The following TAFA2 variants were observed in gnomAD, a reference collection of about 807,000 sequenced individuals.
TAFA2 encodes the protein chemokine-like protein TAFA-2.
A neutral mutation model predicts 18.8 loss-of-function variants in TAFA2; 7 were observed. That is an observed-to-expected ratio of 0.37 (90% CI 0.21 to 0.70). TAFA2 has a LOEUF of 0.70. TAFA2 is among the 30% of genes least tolerant of loss of function. The pLI, the probability that TAFA2 is intolerant of heterozygous loss-of-function variation, is 0.53. For synonymous variants in TAFA2, 60 were observed against 54.2 expected, an observed-to-expected ratio of 1.11 and a Z score of -0.47; for missense variants, 122 against 158.1, an observed-to-expected ratio of 0.77 and a Z score of 1.23.
intron 1 of TAFA2, among the ~76,000 whole-genome samples, chr12:62,109,119 C>A (rs146822731): frequency 6.6e-6 from 1 of 152,022 alleles, no homozygotes; most frequent in Admixed American, 6.6e-5. Context: ...TTAGGTTTTA[C>A]GTTTAAGTCT....
intron 1 of TAFA2, among the ~76,000 whole-genome samples, chr12:61,960,559 G>A (rs1193113748): frequency 6.6e-6 from 1 of 151,982 alleles, no homozygotes; most frequent in Non-Finnish European, 1.5e-5. Flanking sequence ...AACAGACTAT[G>A]AGAAACTCAG....
At chr12:61,865,136 G>A (rs1874299672) in intron 2 of TAFA2, among the ~76,000 whole-genome samples, 1 of 152,016 alleles carries the variant, frequency 6.6e-6, no homozygotes, top group Non-Finnish European at 1.5e-5. Context: ...AAAATCTTTT[G>A]CTCCTTTGAA....
Position 62,125,740 on chromosome 12 carries a change from C to T in TAFA2, c.-2+65519G>A, listed in dbSNP as rs754764089. On this transcript the variant is annotated intron_variant, in intron 1 of 4. Coordinates refer to ENST00000416284, the MANE Select transcript of TAFA2 (RefSeq NM_178539.5). ...GTTGTTAAAACACAATCTTCAGCGT[C>T]GAACTGCCTGGGTTCAAATTCCATC... is the stretch of plus-strand genomic sequence containing the variant. 9.2e-5 allele frequency among the ~76,000 whole-genome samples: 14 copies of T among 152,144 alleles called. No homozygotes were observed. In the Middle Eastern group the frequency reaches 0.01, roughly 111 times the overall value.
chr12:62,079,601 T>A (rs1378788246), intron 1 of TAFA2, among the ~76,000 whole-genome samples: 2 of 151,454 alleles, frequency 1.3e-5, no homozygotes, highest in African/African-American at 4.9e-5. Flanking sequence ...GAAGTAGAGG[T>A]TGCAGTAAGC....
At chr12:62,259,048 C>A (rs1019155492), upstream of TAFA2, 2 of 157,748 alleles carry the variant, frequency 1.3e-5, no homozygotes, top group African/African-American at 4.8e-5. Context: ...ATACACAAAT[C>A]ATAATGCCAA....
At chr12:61,918,527 T>G (rs1238380235) in intron 1 of TAFA2, among the ~76,000 whole-genome samples, 2 of 152,180 alleles carry the variant, frequency 1.3e-5, no homozygotes, top group Admixed American at 1.3e-4. Context: ...CCATTGTGTA[T>G]GTGTACATTT....
chr12:61,769,811 A>G (rs1869949463), intron 2 of TAFA2, among the ~76,000 whole-genome samples: 1 of 152,136 alleles, frequency 6.6e-6, no homozygotes, highest in Non-Finnish European at 1.5e-5. Context: ...AACAGTTCTG[A>G]AAATATGACA....
intron 4 of TAFA2, among the ~76,000 whole-genome samples, chr12:61,716,131 G>C (rs984596987): frequency 6.6e-6 from 1 of 152,246 alleles, no homozygotes; most frequent in East Asian, 1.9e-4. Context: ...CCTAATGAGT[G>C]CTAAAGAAGT....
chr12:61,800,100 C>T (rs543662488), intron 2 of TAFA2, among the ~76,000 whole-genome samples: 3 of 152,162 alleles, frequency 2.0e-5, no homozygotes, highest in Non-Finnish European at 4.4e-5. Context: ...GTTGAAATGA[C>T]ACTTAAAAGA....
chr12:62,021,433 C>T (rs1032903069), intron 1 of TAFA2: 4 of 458,880 alleles, frequency 8.7e-6, no homozygotes, highest in Non-Finnish European at 1.6e-5. Flanking sequence ...CTCACCCCCT[C>T]CCACCCTTTC....
chr12:62,057,865 A>G (rs975452479), intron 1 of TAFA2, among the ~76,000 whole-genome samples: 2 of 152,168 alleles, frequency 1.3e-5, no homozygotes, highest in African/African-American at 2.4e-5. Context: ...AGCTGTAACC[A>G]CAGGTTTCTG....
chr12:61,896,761 T>G (rs1314855318), intron 1 of TAFA2, among the ~76,000 whole-genome samples: 1 of 152,188 alleles, frequency 6.6e-6, no homozygotes, highest in African/African-American at 2.4e-5. Flanking sequence ...CATGTCACAT[T>G]GTCAACCAAA....
chr12:61,871,075 A>G (rs1464107468), intron 1 of TAFA2, among the ~76,000 whole-genome samples: 1 of 152,160 alleles, frequency 6.6e-6, no homozygotes, highest in Non-Finnish European at 1.5e-5. Flanking sequence ...AGTGTGTGTC[A>G]TCTCTCTAGA....
chr12:61,794,599 T>C (rs2120937821), intron 2 of TAFA2, among the ~76,000 whole-genome samples: 1 of 152,160 alleles, frequency 6.6e-6, no homozygotes, highest in Non-Finnish European at 1.5e-5. Flanking sequence ...ACCGTGTATT[T>C]ATCTTTAGGT....
intron 1 of TAFA2, among the ~76,000 whole-genome samples, chr12:61,899,535 C>G (rs963234640): frequency 6.6e-6 from 1 of 152,040 alleles, no homozygotes; most frequent in Non-Finnish European, 1.5e-5. Context: ...CTATCAAATA[C>G]TTATAAAACC....
At chr12:62,024,446 G>A (rs1881250134) in intron 1 of TAFA2, among the ~76,000 whole-genome samples, 1 of 152,048 alleles carries the variant, frequency 6.6e-6, no homozygotes, top group African/African-American at 2.4e-5. Flanking sequence ...GTTTTGCTTT[G>A]CAGCTAGACA....
At chr12:62,065,046 T>C (rs535723142) in intron 1 of TAFA2, among the ~76,000 whole-genome samples, 2 of 152,160 alleles carry the variant, frequency 1.3e-5, no homozygotes, top group African/African-American at 4.8e-5. Context: ...TTACTTTAGA[T>C]AGCTGTTGTT....
intron 2 of TAFA2, among the ~76,000 whole-genome samples, chr12:61,815,938 G>C (rs1872066225): frequency 6.6e-6 from 1 of 150,988 alleles, no homozygotes; most frequent in African/African-American, 2.5e-5. Context: ...ATAAACCAAG[G>C]GGATAAATTA....
rs150152712 is a variant in TAFA2 at position 62,230,012 on chromosome 12, G to T, written c.-130+28751C>A. Among the ~76,000 whole-genome samples the T allele has an allele frequency of 1.8e-3, 277 of 151,996 alleles. 1 individual carries two copies. The highest frequency in any genetic ancestry group is 6.6e-3 in the African/African-American group (273 of 41,476). On this transcript the variant is annotated intron_variant, in intron 1 of 5. Coordinates refer to the TAFA2 transcript ENST00000551619. ...TTCCTTCAAGTTTTCCAATCTGTTG[G>T]CATATAGGTGTTCATAATAGTCTTT...
Sources: allele counts gnomAD v4.1 joint callset (sites outside exome capture counted in the v4.1 genomes callset), GRCh38; gene constraint gnomAD v4.1.1; transcripts MANE v1.5; gene names NCBI Gene and HGNC (gene_info 2026-07-23, HGNC 2026-07-21).